TMEM127: variants seen among roughly 807,000 people sequenced by gnomAD.
The protein encoded by TMEM127 is transmembrane protein 127.
In TMEM127, 21 loss-of-function variants were observed where a neutral mutation model predicts 20.1. That is an observed-to-expected ratio of 1.04 (90% CI 0.74 to 1.50). The LOEUF (loss-of-function observed/expected upper bound fraction) is 1.50. Among genes scored for constraint, TMEM127 ranks in the 40% most tolerant of loss-of-function variants. TMEM127 has a pLI of 0.00. For synonymous variants in TMEM127, 150 were observed against 144.7 expected (o/e 1.04, Z -0.26); for missense variants, 303 against 317.4 (o/e 0.95, Z 0.34).
At chr2:96,264,539 G>A (rs1386914655) in intron 2 of TMEM127, among the ~76,000 whole-genome samples, 4 of 152,154 alleles carry the variant, frequency 2.6e-5, no homozygotes, top group Non-Finnish European at 4.4e-5. Context: ...CCCTCCCATC[G>A]TCTGCTGTCT....
Position 96,265,383 on chromosome 2 carries a change from C to A in TMEM127, c.-2G>T, listed in dbSNP as rs1409272666. Reference sequence around the variant, plus strand: ...CCCTGCGCCTCCGGGGGCGTACATGCCCGGGGCCGCCCGCCGTCGCTCCGC... The same window carrying A: ...CCCTGCGCCTCCGGGGGCGTACATGACCGGGGCCGCCCGCCGTCGCTCCGC... On this transcript the variant is annotated 5_prime_UTR_variant, in exon 2 of 4. Coordinates refer to ENST00000258439, the MANE Select transcript of TMEM127 (RefSeq NM_017849.4). The A allele has an allele frequency of 7.3e-7, 1 of 1,375,334 alleles. No homozygotes were observed. The highest frequency in any genetic ancestry group is 3.0e-5 in the East Asian group (1 of 32,944). The allele number at this position is 1,375,334 out of a possible 1,614,324, so 85.2% of individuals were successfully genotyped here. A position where few individuals can be genotyped will look rare whatever the true frequency, so the allele number is the denominator to read the frequency against.
At chr2:96,259,584 C>T (rs1478520942) in intron 2 of TMEM127, among the ~76,000 whole-genome samples, 1 of 152,178 alleles carries the variant, frequency 6.6e-6, no homozygotes, top group Non-Finnish European at 1.5e-5. Flanking sequence ...AATTATTGGG[C>T]AAAACCTGCC....
At position 96,253,087 on chromosome 2, in the gene TMEM127, G is replaced by C; in HGVS notation, c.*721C>G. On this transcript the variant is annotated 3_prime_UTR_variant, in exon 4 of 4. Transcript: ENST00000258439. The surrounding 1 kb of genome is among the most constrained non-coding windows in gnomAD (Gnocchi z 4.3). ...AAACCACTCATATTTAAAAGGTGAA[G>C]GGCTGGGAGATGTAGTCCCCTTCAC... 4.3e-6 allele frequency: 1 copy of C among 233,450 alleles called. No individual in the cohort carries two copies. Among genetic ancestry groups the C allele is most frequent in the East Asian group, 6.0e-5 (1 of 16,572 alleles). The allele number at this position is 233,450 out of a possible 1,614,324, so 14.5% of individuals were successfully genotyped here. A position where few individuals can be genotyped will look rare whatever the true frequency, so the allele number is the denominator to read the frequency against.
At chr2:96,256,345 G>A (rs1684203803) in intron 2 of TMEM127, among the ~76,000 whole-genome samples, 1 of 151,908 alleles carries the variant, frequency 6.6e-6, no homozygotes, top group African/African-American at 2.4e-5. Flanking sequence ...GCCAAGGCGG[G>A]CAAAACACCT....
Position 96,253,839 on chromosome 2 carries a change from T to A in TMEM127, c.686A>T (p.Gln229Leu). 1.9e-6 allele frequency: 3 copies of A among 1,612,504 alleles called. No individual in the cohort carries two copies. The highest frequency in any genetic ancestry group is 2.5e-6 in the Non-Finnish European group (3 of 1,178,650). Residue 229 changes from glutamine (Q) to leucine (L), a missense_variant, in exon 4 of 4, where the codon CAG becomes CTG. Coordinates refer to ENST00000258439, the MANE Select transcript of TMEM127 (RefSeq NM_017849.4). The surrounding 1 kb of genome is among the most constrained non-coding windows in gnomAD (Gnocchi z 4.3). ...PYPAEYEVIN[Q>L]FQPPPAYTP is the part of the protein sequence containing the mutation. ...TGTGTAAGCAGGGGGTGGCTGGAAC[T>A]GGTTGATGACCTCATATTCCGCCGG... is the stretch of plus-strand genomic sequence containing the variant.
intron 2 of TMEM127, among the ~76,000 whole-genome samples, chr2:96,263,134 C>G (rs919533880): frequency 2.0e-5 from 3 of 151,336 alleles, no homozygotes; most frequent in African/African-American, 7.3e-5. Context: ...CTCACTGCAA[C>G]TCCTCTACTT....
At position 96,250,664 on chromosome 2, in the gene TMEM127, A is replaced by G. The variant is rs555802864; in HGVS notation, c.*3144T>C. On this transcript the variant is annotated 3_prime_UTR_variant, in exon 4 of 4. Transcript: ENST00000258439. ...GAGAGCCCTCAGCTCTTTTACCGTG[A>G]TGCACACTCGGGGCTGGGTGTAGGC... The G allele has an allele frequency of 1.1e-3, 252 of 233,080 alleles. 1 individual carries two copies. The highest frequency in any genetic ancestry group is 5.1e-3 in the African/African-American group (233 of 45,438). 14.4% of individuals were successfully genotyped at this position (233,080 alleles called of 1,614,324 possible).
intron 2 of TMEM127, among the ~76,000 whole-genome samples, chr2:96,263,304 C>T (rs1360348679): frequency 6.6e-6 from 1 of 152,076 alleles, no homozygotes; most frequent in East Asian, 1.9e-4. Flanking sequence ...GGCAATCCAC[C>T]CGCCTCGGCC....
chr2:96,249,033 CA>C lies in TMEM127; in HGVS notation c.*4774del. 4.3e-6 allele frequency: 1 copy of C among 233,786 alleles called. No homozygotes were observed. The allele number at this position is 233,786 out of a possible 1,614,324, so 14.5% of individuals were successfully genotyped here. A position where few individuals can be genotyped will look rare whatever the true frequency, so the allele number is the denominator to read the frequency against. ...CCCTGGGCACTGCTCTCTCCCCCAG[CA>C]AAAAAGCCAAGAATTTTCCCCAAAG... On this transcript the variant is annotated 3_prime_UTR_variant, in exon 4 of 4. Coordinates refer to ENST00000258439, the MANE Select transcript of TMEM127 (RefSeq NM_017849.4).
intron 2 of TMEM127, among the ~76,000 whole-genome samples, chr2:96,261,068 C>T (rs1255702385): frequency 6.6e-6 from 1 of 152,230 alleles, no homozygotes; most frequent in African/African-American, 2.4e-5. Flanking sequence ...CCAACTTCCT[C>T]ATTCTCCAAA....
intron 2 of TMEM127, among the ~76,000 whole-genome samples, chr2:96,256,935 G>A (rs527753673): frequency 2.6e-5 from 4 of 152,300 alleles, no homozygotes; most frequent in Non-Finnish European, 5.9e-5. Context: ...GGAAAAGCTA[G>A]GAAGCCACCA....
rs962270831 is a variant in TMEM127 at position 96,255,001 on chromosome 2, T to C, written c.245-4A>G. On this transcript the variant is annotated splice_polypyrimidine_tract_variant and splice_region_variant and intron_variant, in intron 2 of 3. Coordinates refer to ENST00000258439, the MANE Select transcript of TMEM127 (RefSeq NM_017849.4). ...GTCTGGGGATTCATGCAGAAATCTG[T>C]AGAGGGAGAACCAAATTTTCACGGC... The C allele has an allele frequency of 1.2e-6, 2 of 1,613,994 alleles. No individual in the cohort carries two copies. Among genetic ancestry groups the C allele is most frequent in the African/African-American group, 2.7e-5 (2 of 74,914 alleles).
Position 96,265,162 on chromosome 2 carries a change from A to G in TMEM127, c.220T>C (p.Tyr74His). Residue 74 changes from tyrosine (Y) to histidine (H), a missense_variant, in exon 2 of 4, where the codon TAT becomes CAT. Physicochemically the swap from Tyr to His is moderately conservative, Grantham distance 83 (BLOSUM62 2). Coordinates refer to ENST00000258439, the MANE Select transcript of TMEM127 (RefSeq NM_017849.4). ...QELGVSDVLG[Y>H]VHPDLLKDFC... ...CCTTTCAGCAGGTCCGGGTGCACAT[A>G]GCCCAACACGTCGGAGACCCCCAGC... 6.2e-7 allele frequency: 1 copy of G among 1,611,734 alleles called. No homozygotes were observed. Among genetic ancestry groups the G allele is most frequent in the Non-Finnish European group, 8.5e-7 (1 of 1,179,650 alleles).
At chr2:96,265,101 C>T (rs1323819637) in intron 2 of TMEM127, 37 bp downstream of exon 2, 3 of 1,610,558 alleles carry the variant, frequency 1.9e-6, no homozygotes, top group Non-Finnish European at 1.7e-6. Flanking sequence ...TTCTGTCCCC[C>T]ACCGAGGCTT....
Position 96,249,385 on chromosome 2 carries a change from C to T in TMEM127, c.*4423G>A, listed in dbSNP as rs975816073. On this transcript the variant is annotated 3_prime_UTR_variant, in exon 4 of 4. Transcript: ENST00000258439. ...TGCTGGGATAATAGGCGTGAGCCACCGCACCCGGCCAGAACTGATCTTAAT... is the reference window on the plus strand; with the variant it reads ...TGCTGGGATAATAGGCGTGAGCCACTGCACCCGGCCAGAACTGATCTTAAT... 2.8e-5 allele frequency: 6 copies of T among 217,214 alleles called. No homozygotes were observed. The highest frequency in any genetic ancestry group is 6.7e-5 in the East Asian group (1 of 14,902). The allele number at this position is 217,214 out of a possible 1,614,324, so 13.5% of individuals were successfully genotyped here.
chr2:96,262,281 AC>A (rs1382023131), intron 2 of TMEM127, among the ~76,000 whole-genome samples: 2 of 149,724 alleles, frequency 1.3e-5, no homozygotes, highest in African/African-American at 4.9e-5. Flanking sequence ...AAAAAAAAAA[AC>A]TCTATATGCA....
intron 2 of TMEM127, among the ~76,000 whole-genome samples, chr2:96,261,735 C>T (rs1684314908): frequency 6.6e-6 from 1 of 152,202 alleles, no homozygotes; most frequent in Non-Finnish European, 1.5e-5. Context: ...ATTAGCTGAG[C>T]AAACTACCTA....
intron 2 of TMEM127, among the ~76,000 whole-genome samples, chr2:96,263,458 G>C (rs1684352217): frequency 6.6e-6 from 1 of 151,248 alleles, no homozygotes; most frequent in South Asian, 2.1e-4. Flanking sequence ...GGCCTCCCAA[G>C]TTCAAGCGAT....
At chr2:96,260,167 C>T (rs1458018311) in intron 2 of TMEM127, among the ~76,000 whole-genome samples, 1 of 152,222 alleles carries the variant, frequency 6.6e-6, no homozygotes, top group East Asian at 1.9e-4. Flanking sequence ...AGGGGCCTGC[C>T]CCATGTAACA....
Sources: gnomAD v4.1 joint callset for allele counts (sites outside exome capture counted in the v4.1 genomes callset) on GRCh38, gnomAD v4.1.1 for gene constraint, Gnocchi (gnomAD v3.1) non-coding constraint, MANE v1.5 for transcripts, NCBI Gene and HGNC (gene_info 2026-07-23, HGNC 2026-07-21) for gene names.